UBE2V2: variants seen among roughly 807,000 people sequenced by gnomAD.
The protein encoded by UBE2V2 is ubiquitin-conjugating enzyme E2 variant 2.
Under a neutral mutation model 17.2 loss-of-function variants are expected in UBE2V2, and 9 were observed. That is an observed-to-expected ratio of 0.52 (90% CI 0.32 to 0.91). The LOEUF is 0.91. Ranked by LOEUF, UBE2V2 falls within the 40% of genes least tolerant of loss-of-function variation. The pLI is 0.04. For missense variants in UBE2V2, 133 were observed against 182.6 expected (o/e 0.73, Z 1.56); for synonymous variants, 61 against 57.5 (o/e 1.06, Z -0.28).
At chr8:48,022,999 T>A (rs2091315997) in intron 1 of UBE2V2, among the ~76,000 whole-genome samples, 1 of 152,034 alleles carries the variant, frequency 6.6e-6, no homozygotes, top group Non-Finnish European at 1.5e-5. Context: ...AGAAGTCTGC[T>A]GCTAGGTATA....
chr8:48,030,690 G>A (rs1257544183), intron 1 of UBE2V2, among the ~76,000 whole-genome samples: 4 of 151,868 alleles, frequency 2.6e-5, no homozygotes, highest in Non-Finnish European at 5.9e-5. Context: ...ACTCCAGCCT[G>A]GGTGACAGAG....
chr8:48,024,695 T>G (rs1409501000), intron 1 of UBE2V2, among the ~76,000 whole-genome samples: 2 of 152,136 alleles, frequency 1.3e-5, no homozygotes, highest in Non-Finnish European at 2.9e-5. Flanking sequence ...AGTGATGTTA[T>G]TTTACAGATA....
intron 1 of UBE2V2, among the ~76,000 whole-genome samples, chr8:48,028,953 G>T (rs1010009194): frequency 3.3e-5 from 5 of 152,234 alleles, no homozygotes; most frequent in Middle Eastern, 3.4e-3. Flanking sequence ...GAACCCAAAA[G>T]TTTAAAATTT....
intron 2 of UBE2V2, among the ~76,000 whole-genome samples, chr8:48,048,213 T>TAA (rs748835803): frequency 1.3e-5 from 2 of 152,206 alleles, no homozygotes; most frequent in African/African-American, 2.4e-5. Context: ...TGTGTACACT[T>TAA]ACGGTTCTTT....
intron 3 of UBE2V2, among the ~76,000 whole-genome samples, chr8:48,055,999 C>G (rs1353456672): frequency 6.6e-6 from 1 of 152,134 alleles, no homozygotes; most frequent in Non-Finnish European, 1.5e-5. Flanking sequence ...ACCTTGTGAT[C>G]TGCCCTCCTC....
At position 48,060,844 on chromosome 8, in the gene UBE2V2, A is replaced by G. The variant is rs376218408; in HGVS notation, c.*16A>G. The stretch of plus-strand genomic sequence containing the variant: ...CAACAATTAATTTTAGTGGATCTCA[A>G]ACTTGTCTTAAATCAACAACCTTCT... On this transcript the variant is annotated 3_prime_UTR_variant, in exon 4 of 4. Transcript: ENST00000523111. The G allele has an allele frequency of 6.0e-6, 9 of 1,496,006 alleles. No individual in the cohort carries two copies. Among genetic ancestry groups the G allele is most frequent in the Non-Finnish European group, 8.0e-6 (9 of 1,122,922 alleles). 92.7% of individuals were successfully genotyped at this position (1,496,006 alleles called of 1,614,324 possible).
At chr8:48,009,891 G>A (rs1417757965) in intron 1 of UBE2V2, among the ~76,000 whole-genome samples, 1 of 152,162 alleles carries the variant, frequency 6.6e-6, no homozygotes, top group East Asian at 1.9e-4. Flanking sequence ...TGGAATTTTA[G>A]TGTTATGACT....
the UBE2V2 span, among the ~76,000 whole-genome samples, chr8:48,001,626 AT>A: frequency 6.6e-6 from 1 of 152,144 alleles, no homozygotes; most frequent in African/African-American, 2.4e-5. Flanking sequence ...AAAAAACACT[AT>A]GAAAGTGTGG....
intron 3 of UBE2V2, among the ~76,000 whole-genome samples, chr8:48,060,109 A>T (rs1802569844): frequency 6.7e-6 from 1 of 149,412 alleles, no homozygotes; most frequent in Non-Finnish European, 1.5e-5. Flanking sequence ...GGGAGGCCTC[A>T]TGAGGCAGGA....
intron 3 of UBE2V2, among the ~76,000 whole-genome samples, chr8:48,058,672 T>C (rs1337025401): frequency 6.6e-6 from 1 of 151,986 alleles, no homozygotes. Context: ...CTTTATTAAA[T>C]ATGATGTTAG....
chr8:48,002,460 T>C, the UBE2V2 span, among the ~76,000 whole-genome samples: 14 of 152,324 alleles, frequency 9.2e-5, 1 homozygote, highest in Admixed American at 9.2e-4. Flanking sequence ...TTATCTCACT[T>C]ACTTGTGGAA....
intron 2 of UBE2V2, among the ~76,000 whole-genome samples, chr8:48,047,127 G>C (rs1015835667): frequency 6.6e-6 from 1 of 151,874 alleles, no homozygotes; most frequent in Non-Finnish European, 1.5e-5. Context: ...TTTTAGTAGA[G>C]ATGGGGTTTC....
At chr8:48,037,665 A>G (rs555469129) in intron 1 of UBE2V2, among the ~76,000 whole-genome samples, 63 of 152,312 alleles carry the variant, frequency 4.1e-4, no homozygotes, top group Non-Finnish European at 7.4e-4. Flanking sequence ...GACTTTGACT[A>G]TCATGGCTAG....
At chr8:48,049,190 C>A (rs986252862) in intron 2 of UBE2V2, among the ~76,000 whole-genome samples, 1 of 152,006 alleles carries the variant, frequency 6.6e-6, no homozygotes, top group Non-Finnish European at 1.5e-5. Flanking sequence ...ATTTAATGAA[C>A]CTCAAAATTA....
At chr8:48,025,124 C>T (rs1013435527) in intron 1 of UBE2V2, among the ~76,000 whole-genome samples, 2 of 151,766 alleles carry the variant, frequency 1.3e-5, no homozygotes, top group Non-Finnish European at 2.9e-5. Flanking sequence ...TTAGTAGAAA[C>T]GGGGTTTCAC....
chr8:48,005,612 T>G (rs573151098), upstream of UBE2V2, among the ~76,000 whole-genome samples: 1 of 152,356 alleles, frequency 6.6e-6, no homozygotes, highest in East Asian at 1.9e-4. Context: ...CCACAATGGT[T>G]GAACTAATTT....
intron 1 of UBE2V2, among the ~76,000 whole-genome samples, chr8:48,023,187 T>C (rs2091317179): frequency 6.6e-6 from 1 of 151,994 alleles, no homozygotes; most frequent in Admixed American, 6.6e-5. Context: ...TCCATATTTG[T>C]ACAGTTTTTT....
intron 1 of UBE2V2, among the ~76,000 whole-genome samples, chr8:48,010,766 C>T (rs1350299393): frequency 6.1e-5 from 9 of 148,404 alleles, no homozygotes; most frequent in Admixed American, 1.4e-4. Flanking sequence ...GGCATGATCT[C>T]GGCTCACTGC....
chr8:48,013,746 G>C (rs1344464079), intron 1 of UBE2V2, among the ~76,000 whole-genome samples: 2 of 152,154 alleles, frequency 1.3e-5, no homozygotes, highest in Admixed American at 6.6e-5. Flanking sequence ...TATGTTTTCT[G>C]CTATGTAGGC....
Sources: allele counts gnomAD v4.1 joint callset (sites outside exome capture counted in the v4.1 genomes callset), GRCh38; gene constraint gnomAD v4.1.1; transcripts MANE v1.5; gene names NCBI Gene and HGNC (gene_info 2026-07-23, HGNC 2026-07-21).